Variants in PCDH9 observed in about 807,000 individuals in gnomAD.
PCDH9 encodes protocadherin 9, also known as protocadherin-9.
PCDH9 carries 24 observed loss-of-function variants against 70.6 expected under a neutral mutation model. That is an observed-to-expected ratio of 0.34 (90% CI 0.25 to 0.48). The LOEUF (loss-of-function observed/expected upper bound fraction) is 0.48, where lower values mean the gene tolerates loss of function less well. Among genes scored for constraint, PCDH9 ranks in the 20% least tolerant of loss-of-function variants. PCDH9 has a pLI of 0.99. For missense variants in PCDH9, 1,281 were observed against 1,503.6 expected, an observed-to-expected ratio of 0.85 and a Z score of 2.45; for synonymous variants, 562 against 558.5, an observed-to-expected ratio of 1.01 and a Z score of -0.09.
intron 4 of PCDH9, among the ~76,000 whole-genome samples, chr13:66,606,238 A>T (rs17081554): frequency 0.039 from 5,893 of 152,158 alleles, 353 homozygotes; most frequent in African/African-American, 0.13. Context: ...AGTGCTAAGG[A>T]AAATGCACAC....
intron 2 of PCDH9, among the ~76,000 whole-genome samples, chr13:66,985,342 T>C (rs548812836): frequency 6.6e-6 from 1 of 152,128 alleles, no homozygotes; most frequent in Non-Finnish European, 1.5e-5. Context: ...ATTATTAAAA[T>C]ATTAATTTAA....
chr13:66,694,673 T>C (rs1345552396), intron 3 of PCDH9, among the ~76,000 whole-genome samples: 1 of 151,652 alleles, frequency 6.6e-6, no homozygotes, highest in African/African-American at 2.4e-5. Context: ...AACATTTTTA[T>C]AAAATATAAA....
intron 2 of PCDH9, among the ~76,000 whole-genome samples, chr13:67,198,453 T>A (rs2089129934): frequency 6.6e-6 from 1 of 151,906 alleles, no homozygotes; most frequent in Non-Finnish European, 1.5e-5. Flanking sequence ...ATTTATGAAA[T>A]CCCATTTGGC....
At chr13:67,044,979 C>A (rs1188601756) in intron 2 of PCDH9, among the ~76,000 whole-genome samples, 1 of 152,096 alleles carries the variant, frequency 6.6e-6, no homozygotes, top group East Asian at 1.9e-4. Flanking sequence ...GCAGAGATTG[C>A]ACAAACATAG....
At position 67,226,118 on chromosome 13, in the gene PCDH9, T is replaced by A; in HGVS notation, c.2323A>T (p.Asn775Tyr). Reference protein sequence around the residue: ...HTLVLVFLYVNDTAGNASYIY... With the variant: ...HTLVLVFLYVYDTAGNASYIY... ...TAGGAGGCATTTCCAGCAGTGTCGT[T>A]AACATAAAGGAATACAAGCACAAGC... Residue 775 changes from asparagine (N) to tyrosine (Y), a missense_variant, in exon 2 of 5, where the codon AAC (asparagine) becomes TAC (tyrosine). By Grantham distance (143) the Asn-to-Tyr change is moderately radical. Coordinates refer to ENST00000377865, the MANE Select transcript of PCDH9 (RefSeq NM_203487.3). The surrounding 1 kb of genome is among the most constrained non-coding windows in gnomAD (Gnocchi z 5.0). The A allele has an allele frequency of 6.2e-7, 1 of 1,614,132 alleles. No individual in the cohort carries two copies. Among genetic ancestry groups the A allele is most frequent in the Non-Finnish European group, 8.5e-7 (1 of 1,180,006 alleles).
intron 3 of PCDH9, among the ~76,000 whole-genome samples, chr13:66,870,586 C>G (rs1385141715): frequency 6.6e-6 from 1 of 152,092 alleles, no homozygotes. Context: ...AGGACATGAA[C>G]AGACACTTTT....
chr13:66,679,284 A>G (rs1371705827), intron 3 of PCDH9, among the ~76,000 whole-genome samples: 1 of 151,736 alleles, frequency 6.6e-6, no homozygotes, highest in African/African-American at 2.4e-5. Flanking sequence ...CATAATGGTC[A>G]TTCTGTCATA....
At chr13:67,138,881 C>T (rs1336977876) in intron 2 of PCDH9, among the ~76,000 whole-genome samples, 3 of 152,000 alleles carry the variant, frequency 2.0e-5, no homozygotes, top group Non-Finnish European at 4.4e-5. Flanking sequence ...TTGATCAAGC[C>T]ACACAAAATT....
chr13:67,009,154 G>A (rs1049346725), intron 2 of PCDH9, among the ~76,000 whole-genome samples: 1 of 151,984 alleles, frequency 6.6e-6, no homozygotes, highest in South Asian at 2.1e-4. Context: ...TAAAACGCAG[G>A]CTACTGGTCT....
intron 4 of PCDH9, among the ~76,000 whole-genome samples, chr13:66,409,332 T>C (rs1204377606): frequency 6.6e-6 from 1 of 152,206 alleles, no homozygotes; most frequent in African/African-American, 2.4e-5. Context: ...TTTCAAATGC[T>C]AGATTTTGAA....
intron 2 of PCDH9, among the ~76,000 whole-genome samples, chr13:67,007,981 A>G (rs912050549): frequency 1.3e-5 from 2 of 152,290 alleles, no homozygotes; most frequent in Admixed American, 1.3e-4. Flanking sequence ...ATTGAAGCTT[A>G]CTTTATCATT....
chr13:67,066,530 G>A (rs775930680), intron 2 of PCDH9, among the ~76,000 whole-genome samples: 9 of 152,110 alleles, frequency 5.9e-5, no homozygotes, highest in Non-Finnish European at 1.0e-4. Flanking sequence ...CACCGCACCC[G>A]GCCTGGGTTA....
intron 3 of PCDH9, among the ~76,000 whole-genome samples, chr13:66,820,856 G>A (rs935873150): frequency 6.6e-6 from 1 of 152,066 alleles, no homozygotes; most frequent in African/African-American, 2.4e-5. Flanking sequence ...AGGGTGGGAG[G>A]AGGAAAATGA....
At chr13:67,037,383 T>C (rs1594424615) in intron 2 of PCDH9, among the ~76,000 whole-genome samples, 2 of 152,280 alleles carry the variant, frequency 1.3e-5, no homozygotes, top group African/African-American at 4.8e-5. Flanking sequence ...TTTCTGCAGC[T>C]TTACTGTATG....
At chr13:66,904,781 A>C (rs899634670) in intron 2 of PCDH9, among the ~76,000 whole-genome samples, 13 of 151,984 alleles carry the variant, frequency 8.6e-5, no homozygotes, top group Admixed American at 2.6e-4. Flanking sequence ...CATTTTATAT[A>C]TTTAAATATA....
rs117553457 is a variant in PCDH9 at position 66,966,722 on chromosome 13, C to G, written c.3037-63117G>C. The stretch of plus-strand genomic sequence containing the variant: ...ATTCACAGTGATTTTTGTGCCTGAG[C>G]TCTTTTGCTGAAGGGTCATGAGGGC... On this transcript the variant is annotated intron_variant, in intron 2 of 4. Transcript: ENST00000377865. 3.9e-3 allele frequency among the ~76,000 whole-genome samples: 589 copies of G among 152,120 alleles called. 31 individuals are homozygous for G. In the East Asian group the frequency reaches 0.099, roughly 26 times the overall value.
chr13:66,411,952 C>G (rs1957378374), intron 4 of PCDH9, among the ~76,000 whole-genome samples: 1 of 152,122 alleles, frequency 6.6e-6, no homozygotes, highest in South Asian at 2.1e-4. Context: ...CCACTCAAAA[C>G]TATTTTCAAG....
intron 3 of PCDH9, among the ~76,000 whole-genome samples, chr13:66,822,831 T>C (rs2080738822): frequency 6.6e-6 from 1 of 152,136 alleles, no homozygotes; most frequent in Admixed American, 6.5e-5. Flanking sequence ...TTTAAAATCA[T>C]TAATATACTT....
At chr13:66,858,640 C>G (rs959390248) in intron 3 of PCDH9, among the ~76,000 whole-genome samples, 1 of 152,108 alleles carries the variant, frequency 6.6e-6, no homozygotes, top group African/African-American at 2.4e-5. Flanking sequence ...ATCTTTGAAG[C>G]CTTCTCTGCC....
Sources: gnomAD v4.1 joint callset for allele counts (sites outside exome capture counted in the v4.1 genomes callset) on GRCh38, gnomAD v4.1.1 for gene constraint, Gnocchi (gnomAD v3.1) non-coding constraint, MANE v1.5 for transcripts, NCBI Gene and HGNC (gene_info 2026-07-23, HGNC 2026-07-21) for gene names.